RTL4: variants seen among roughly 807,000 people sequenced by gnomAD.
RTL4 encodes retrotransposon Gag-like protein 4.
RTL4 carries 4 observed loss-of-function variants against 5.3 expected under a neutral mutation model. The ratio of observed to expected loss-of-function variants is 0.75; its 90% confidence interval spans 0.37 to 1.72. RTL4 has a LOEUF of 1.72. RTL4 is among the 40% of genes most tolerant of loss of function. The probability of loss-of-function intolerance (pLI) is 0.04; values close to 1 mark genes in which losing one functional copy is unlikely to be tolerated. For synonymous variants in RTL4, 98 were observed against 87.3 expected (o/e 1.12, Z -0.68); for missense variants, 260 against 227.1 (o/e 1.14, Z -0.93).
At chrX:112,434,222 T>C in the RTL4 span, among the ~76,000 whole-genome samples, 2 of 107,322 alleles carry the variant, frequency 1.9e-5, no homozygotes, top group African/African-American at 6.8e-5. Context: ...TGCCCGGCTT[T>C]GGTATCAGGA....
chrX:112,200,521 C>T, the RTL4 span, among the ~76,000 whole-genome samples: 1,011 of 111,620 alleles, frequency 9.1e-3, 6 homozygotes, highest in Admixed American at 0.014. Flanking sequence ...ACTAGAATTC[C>T]GGCCAAAAAC....
At chrX:112,105,862 T>C in the RTL4 span, among the ~76,000 whole-genome samples, 1 of 111,585 alleles carries the variant, frequency 9.0e-6, no homozygotes, top group South Asian at 3.7e-4. Context: ...AACTCATACG[T>C]CTTTTTATTT....
At chrX:112,107,951 A>G in the RTL4 span, among the ~76,000 whole-genome samples, 3 of 110,650 alleles carry the variant, frequency 2.7e-5, no homozygotes, top group Non-Finnish European at 5.7e-5. Context: ...CATTTGCTCT[A>G]TTTTGATGCT....
chrX:112,323,688 C>T, the RTL4 span, among the ~76,000 whole-genome samples: 1 of 110,141 alleles, frequency 9.1e-6, no homozygotes, highest in Non-Finnish European at 1.9e-5. Flanking sequence ...AAATGGTTTG[C>T]CATGTTTCCC....
the RTL4 span, among the ~76,000 whole-genome samples, chrX:112,208,544 A>G: frequency 8.9e-6 from 1 of 112,188 alleles, no homozygotes; most frequent in East Asian, 2.8e-4. Context: ...ATTTGGAGAG[A>G]CTGAAAAAGT....
chrX:112,293,558 C>T, the RTL4 span, among the ~76,000 whole-genome samples: 1 of 112,014 alleles, frequency 8.9e-6, no homozygotes, highest in Non-Finnish European at 1.9e-5. Context: ...GTCATCTAAA[C>T]AGCAGGATGT....
the RTL4 span, chrX:112,381,431 C>T: frequency 8.3e-7 from 1 of 1,208,557 alleles, no homozygotes; most frequent in African/African-American, 1.7e-5. Context: ...AGCTCAAACC[C>T]AGCGGGAACA....
At chrX:112,155,379 G>A in the RTL4 span, among the ~76,000 whole-genome samples, 2 of 111,294 alleles carry the variant, frequency 1.8e-5, no homozygotes, top group African/African-American at 6.5e-5. Context: ...GCCACTGATT[G>A]TTTTCAATAC....
chrX:112,228,203 T>C, the RTL4 span, among the ~76,000 whole-genome samples: 254 of 103,918 alleles, frequency 2.4e-3, 2 homozygotes, highest in East Asian at 0.036. Context: ...ATTTCAATAA[T>C]AAAAAAAAAA....
chrX:112,095,364 T>C, the RTL4 span, among the ~76,000 whole-genome samples: 26 of 111,651 alleles, frequency 2.3e-4, no homozygotes, highest in East Asian at 7.4e-3. Context: ...TAAGTAAAAA[T>C]TGGAATCACC....
At chrX:112,246,350 T>G in the RTL4 span, among the ~76,000 whole-genome samples, 1 of 111,626 alleles carries the variant, frequency 9.0e-6, no homozygotes, top group Non-Finnish European at 1.9e-5. Context: ...CAGGCAGGCC[T>G]CATTGAGCCG....
the RTL4 span, among the ~76,000 whole-genome samples, chrX:112,438,856 A>T: frequency 1.8e-5 from 2 of 112,254 alleles, no homozygotes; most frequent in African/African-American, 6.5e-5. Context: ...AACTAAGCTG[A>T]ATTGAGAGCT....
the RTL4 span, among the ~76,000 whole-genome samples, chrX:112,271,160 A>G: frequency 8.9e-6 from 1 of 111,906 alleles, no homozygotes; most frequent in Non-Finnish European, 1.9e-5. Flanking sequence ...TAATACTCTG[A>G]TGGGATTAAG....
the RTL4 span, among the ~76,000 whole-genome samples, chrX:112,328,040 T>C: frequency 9.2e-6 from 1 of 108,124 alleles, no homozygotes; most frequent in South Asian, 4.1e-4. Flanking sequence ...CGGTACCAGC[T>C]GCTGCAAAAT....
At chrX:112,440,717 AT>A in the RTL4 span, among the ~76,000 whole-genome samples, 1 of 111,352 alleles carries the variant, frequency 9.0e-6, no homozygotes, top group African/African-American at 3.3e-5. Context: ...TGTCTCTTTG[AT>A]TTCTTTTTAA....
At chrX:112,424,887 CATAG>C in the RTL4 span, among the ~76,000 whole-genome samples, 1 of 110,848 alleles carries the variant, frequency 9.0e-6, no homozygotes, top group Non-Finnish European at 1.9e-5. Context: ...CATCCTGCAC[CATAG>C]TGGTACATTT....
At chrX:112,329,909 C>A in the RTL4 span, among the ~76,000 whole-genome samples, 14 of 109,292 alleles carry the variant, frequency 1.3e-4, no homozygotes, top group African/African-American at 4.7e-4. Flanking sequence ...AGACAAAAAC[C>A]ACATGATTAT....
chrX:112,402,422 G>GTA, the RTL4 span, among the ~76,000 whole-genome samples: 1 of 108,619 alleles, frequency 9.2e-6, no homozygotes, highest in African/African-American at 3.3e-5. Context: ...GTGTGTGTGT[G>GTA]TGTGTGTGTG....
the RTL4 span, among the ~76,000 whole-genome samples, chrX:112,098,619 CTGT>C: frequency 1.8e-5 from 2 of 111,244 alleles, no homozygotes; most frequent in Admixed American, 9.5e-5. Flanking sequence ...TTTCCAGCAC[CTGT>C]TGTTTCCTGA....
Sources: allele counts gnomAD v4.1 joint callset (sites outside exome capture counted in the v4.1 genomes callset), GRCh38; gene constraint gnomAD v4.1.1; transcripts MANE v1.5; gene names NCBI Gene and HGNC (gene_info 2026-07-23, HGNC 2026-07-21).